Variants in PARN observed in about 807,000 individuals in gnomAD.
The protein encoded by PARN is poly(A)-specific ribonuclease.
In PARN, 71 loss-of-function variants were observed where a neutral mutation model predicts 102.8. That is an observed-to-expected ratio of 0.69 (90% CI 0.57 to 0.84). The LOEUF is 0.84. Among genes scored for constraint, PARN ranks in the 40% least tolerant of loss-of-function variants. PARN has a pLI of 0.00. For synonymous variants in PARN, 261 were observed against 252.9 expected (o/e 1.03, Z -0.30); for missense variants, 782 against 760.9 (o/e 1.03, Z -0.33).
intron 6 of PARN, among the ~76,000 whole-genome samples, chr16:14,612,174 C>T (rs1190338804): frequency 6.6e-6 from 1 of 152,130 alleles, no homozygotes; most frequent in Non-Finnish European, 1.5e-5. Context: ...CATGGTGGCT[C>T]ACGCCTATAA....
intron 18 of PARN, among the ~76,000 whole-genome samples, chr16:14,580,284 TG>T (rs966936209): frequency 3.6e-4 from 55 of 151,522 alleles, no homozygotes; most frequent in African/African-American, 1.2e-3. Flanking sequence ...AATTTTCTTT[TG>T]TTTTTTTTGT....
intron 22 of PARN, among the ~76,000 whole-genome samples, chr16:14,462,082 T>C (rs748148828): frequency 2.0e-5 from 3 of 152,218 alleles, no homozygotes; most frequent in Non-Finnish European, 4.4e-5. Context: ...ACTGGTGTTA[T>C]TTAACTAACC....
intron 22 of PARN, among the ~76,000 whole-genome samples, chr16:14,455,373 A>G (rs1261004211): frequency 2.0e-5 from 3 of 152,228 alleles, no homozygotes; most frequent in African/African-American, 4.8e-5. Context: ...TTCAAATTTT[A>G]TATCAGCTGA....
chr16:14,446,404 C>T (rs1961200765), intron 23 of PARN, among the ~76,000 whole-genome samples: 1 of 152,254 alleles, frequency 6.6e-6, no homozygotes, highest in South Asian at 2.1e-4. Context: ...GCTCCTACTA[C>T]AGCGTCTAGC....
At chr16:14,538,482 A>C (rs950141846) in intron 21 of PARN, among the ~76,000 whole-genome samples, 1 of 152,000 alleles carries the variant, frequency 6.6e-6, no homozygotes, top group African/African-American at 2.4e-5. Context: ...CAGCCTCCCA[A>C]AGTGCTGGGA....
At chr16:14,570,445 T>G (rs1352680425) in intron 18 of PARN, among the ~76,000 whole-genome samples, 3 of 139,798 alleles carry the variant, frequency 2.1e-5, no homozygotes, top group Non-Finnish European at 4.6e-5. Flanking sequence ...AGGTCAAGAG[T>G]TCGAGACCAG....
intron 21 of PARN, among the ~76,000 whole-genome samples, chr16:14,502,486 A>G (rs1237256787): frequency 1.3e-5 from 2 of 152,170 alleles, no homozygotes; most frequent in African/African-American, 4.8e-5. Flanking sequence ...AAGAGTGTGA[A>G]AGTTGATATT....
At chr16:14,453,936 C>T (rs912603182) in intron 22 of PARN, among the ~76,000 whole-genome samples, 1 of 151,914 alleles carries the variant, frequency 6.6e-6, no homozygotes, top group African/African-American at 2.4e-5. Context: ...AATATAAATA[C>T]CTAGAAGGAT....
intron 5 of PARN, among the ~76,000 whole-genome samples, chr16:14,622,450 T>G (rs1972369512): frequency 6.6e-6 from 1 of 152,234 alleles, no homozygotes; most frequent in Non-Finnish European, 1.5e-5. Flanking sequence ...TACTACGAAA[T>G]AAAAGACATT....
chr16:14,465,363 G>A (rs1031927711), intron 22 of PARN, among the ~76,000 whole-genome samples: 2 of 152,182 alleles, frequency 1.3e-5, no homozygotes, highest in African/African-American at 2.4e-5. Context: ...GATTACAGGC[G>A]TGAGCCAATG....
At chr16:14,563,838 T>C (rs1308252705) in intron 18 of PARN, among the ~76,000 whole-genome samples, 1 of 152,186 alleles carries the variant, frequency 6.6e-6, no homozygotes, top group Non-Finnish European at 1.5e-5. Context: ...ACAGCTTTTT[T>C]TCTTCTGGGC....
At chr16:14,510,667 G>A (rs980266308) in intron 21 of PARN, among the ~76,000 whole-genome samples, 2 of 152,038 alleles carry the variant, frequency 1.3e-5, no homozygotes, top group African/African-American at 2.4e-5. Context: ...CTGCTTTTTT[G>A]AAGTCCATGC....
intron 6 of PARN, among the ~76,000 whole-genome samples, chr16:14,617,167 G>C (rs565322199): frequency 3.8e-4 from 57 of 151,356 alleles, no homozygotes; most frequent in Middle Eastern, 3.4e-3. Flanking sequence ...GGCAGATCAC[G>C]AGGTCAGGAG....
intron 21 of PARN, among the ~76,000 whole-genome samples, chr16:14,523,405 A>T (rs1965840879): frequency 6.6e-6 from 1 of 152,188 alleles, no homozygotes. Flanking sequence ...AACGTGGCAC[A>T]TTTACAAAAC....
chr16:14,457,691 G>A lies in PARN; in HGVS notation c.1671-10610C>T, dbSNP rs188034710. Reference sequence around the variant, plus strand: ...TGTATGCCTGTAATCCCAGCTACTCGGAAGGCTGAGGCAGGAGAACTGCTC... The same window carrying A: ...TGTATGCCTGTAATCCCAGCTACTCAGAAGGCTGAGGCAGGAGAACTGCTC... On this transcript the variant is annotated intron_variant, in intron 22 of 23. Transcript: ENST00000437198. Among the ~76,000 whole-genome samples the A allele has an allele frequency of 3.1e-3, 475 of 150,810 alleles. 3 individuals carry two copies. The highest frequency in any genetic ancestry group is 4.2e-3 in the Non-Finnish European group (287 of 67,794).
At chr16:14,607,073 G>T (rs998794598) in intron 9 of PARN, among the ~76,000 whole-genome samples, 1 of 152,108 alleles carries the variant, frequency 6.6e-6, no homozygotes, top group Non-Finnish European at 1.5e-5. Context: ...GAGCCACTGC[G>T]CCTGACCAGG....
At chr16:14,437,681 T>TA (rs766185495) in intron 23 of PARN, among the ~76,000 whole-genome samples, 1 of 152,186 alleles carries the variant, frequency 6.6e-6, no homozygotes, top group Non-Finnish European at 1.5e-5. Context: ...CATTAAGTCA[T>TA]AAAGTAGGGC....
At chr16:14,437,800 G>A (rs1960768839) in intron 23 of PARN, among the ~76,000 whole-genome samples, 2 of 152,296 alleles carry the variant, frequency 1.3e-5, no homozygotes, top group Admixed American at 1.3e-4. Flanking sequence ...TAAATACAGA[G>A]GGGGTGCAGT....
intron 21 of PARN, among the ~76,000 whole-genome samples, chr16:14,529,553 C>T (rs377462996): frequency 1.3e-5 from 2 of 152,110 alleles, no homozygotes; most frequent in Non-Finnish European, 2.9e-5. Flanking sequence ...AAGCCCACTG[C>T]GCCCTATGAA....
Sources: allele counts gnomAD v4.1 joint callset (sites outside exome capture counted in the v4.1 genomes callset), GRCh38; gene constraint gnomAD v4.1.1; transcripts MANE v1.5; gene names NCBI Gene and HGNC (gene_info 2026-07-23, HGNC 2026-07-21).